The following SMIM36 variants were observed in gnomAD, a reference collection of about 807,000 sequenced individuals.
SMIM36 encodes small integral membrane protein 36.
chr17:55,499,402 A>G (rs982402990), intron 1 of SMIM36, among the ~76,000 whole-genome samples: 2 of 152,146 alleles, frequency 1.3e-5, no homozygotes, highest in African/African-American at 4.8e-5. Context: ...TGCTTCTTAC[A>G]TGGATAAACT....
intron 3 of SMIM36, among the ~76,000 whole-genome samples, chr17:55,471,655 C>G (rs1909343208): frequency 6.6e-6 from 1 of 152,166 alleles, no homozygotes; most frequent in Non-Finnish European, 1.5e-5. Flanking sequence ...AGTCTTTTCC[C>G]AATTCTTCCT....
intron 3 of SMIM36, among the ~76,000 whole-genome samples, chr17:55,470,055 C>T (rs1288991730): frequency 6.6e-6 from 1 of 152,192 alleles, no homozygotes; most frequent in African/African-American, 2.4e-5. Context: ...CCAGGACCTC[C>T]TCCCCCAGGA....
At chr17:55,517,879 C>T in the SMIM36 span, among the ~76,000 whole-genome samples, 2 of 152,010 alleles carry the variant, frequency 1.3e-5, no homozygotes, top group Middle Eastern at 3.2e-3. Context: ...AGAAGGTGTA[C>T]ATTAGGAAGA....
chr17:55,481,413 C>A (rs547035480), intron 1 of SMIM36, among the ~76,000 whole-genome samples: 1 of 152,048 alleles, frequency 6.6e-6, no homozygotes, highest in East Asian at 1.9e-4. Flanking sequence ...TTATATATAC[C>A]AAGTAGAGAG....
At chr17:55,520,245 C>T in the SMIM36 span, among the ~76,000 whole-genome samples, 6 of 151,934 alleles carry the variant, frequency 3.9e-5, no homozygotes, top group African/African-American at 1.5e-4. Context: ...CATTTTGAGC[C>T]CACCCAGAAA....
At chr17:55,456,345 T>C (rs1909023888) in intron 4 of SMIM36, among the ~76,000 whole-genome samples, 1 of 152,182 alleles carries the variant, frequency 6.6e-6, no homozygotes, top group African/African-American at 2.4e-5. Flanking sequence ...CAAGTCACCT[T>C]TCCCTGCTGT....
the SMIM36 span, among the ~76,000 whole-genome samples, chr17:55,516,988 A>G: frequency 6.6e-6 from 1 of 152,174 alleles, no homozygotes; most frequent in Admixed American, 6.5e-5. Context: ...TAGAAGAAAG[A>G]CTATATAATC....
At chr17:55,521,797 G>T in the SMIM36 span, among the ~76,000 whole-genome samples, 1 of 151,976 alleles carries the variant, frequency 6.6e-6, no homozygotes, top group Admixed American at 6.6e-5. Flanking sequence ...AAATCCTGGG[G>T]GCTCTACATT....
intron 3 of SMIM36, among the ~76,000 whole-genome samples, chr17:55,471,336 C>T (rs992057499): frequency 7.9e-5 from 12 of 152,144 alleles, no homozygotes; most frequent in African/African-American, 2.9e-4. Context: ...TACCAATCTT[C>T]CCAGCAGGAC....
chr17:55,479,201 A>C (rs1909477500), intron 2 of SMIM36, among the ~76,000 whole-genome samples: 1 of 152,212 alleles, frequency 6.6e-6, no homozygotes, highest in South Asian at 2.1e-4. Context: ...CAATGACCTC[A>C]AAGTATAGGA....
At chr17:55,518,256 C>T in the SMIM36 span, among the ~76,000 whole-genome samples, 4 of 152,182 alleles carry the variant, frequency 2.6e-5, no homozygotes, top group East Asian at 7.7e-4. Context: ...CATCAAGAAT[C>T]TACTCTCTTG....
At chr17:55,487,555 C>T (rs1457614458) in intron 1 of SMIM36, among the ~76,000 whole-genome samples, 1 of 152,038 alleles carries the variant, frequency 6.6e-6, no homozygotes, top group African/African-American at 2.4e-5. Context: ...ATGTAAGAAA[C>T]AGAATACTCA....
upstream of SMIM36, among the ~76,000 whole-genome samples, chr17:55,513,532 G>A (rs559784649): frequency 4.0e-4 from 61 of 152,322 alleles, 1 homozygote; most frequent in South Asian, 0.013. Flanking sequence ...TAAGTCACGT[G>A]CAATGCACCA....
chr17:55,486,040 C>CT (rs11356976), intron 1 of SMIM36, among the ~76,000 whole-genome samples: 11,290 of 135,600 alleles, frequency 0.083, 504 homozygotes, highest in South Asian at 0.15. Flanking sequence ...TTCCTTTATT[C>CT]TTTTTTTTTT....
intron 1 of SMIM36, among the ~76,000 whole-genome samples, chr17:55,499,451 C>G (rs920372443): frequency 6.6e-6 from 1 of 152,172 alleles, no homozygotes; most frequent in African/African-American, 2.4e-5. Flanking sequence ...CTATGAGCCT[C>G]TACTTCTTAA....
At chr17:55,470,389 G>T (rs544640348) in intron 3 of SMIM36, among the ~76,000 whole-genome samples, 13 of 152,240 alleles carry the variant, frequency 8.5e-5, no homozygotes, top group Non-Finnish European at 1.5e-4. Flanking sequence ...CAGTGGGAGG[G>T]TAAGTCTGTC....
In SMIM36 at chr17:55,510,728, A is replaced by C. The variant is rs910567741; in HGVS notation, c.*174+151T>G. On this transcript the variant is annotated intron_variant, in intron 1 of 4. Transcript: ENST00000636752. ...GCACGTGCACACACACACACACACA[A>C]TATTGCATCCTTTCTCAAAAGTCAT... is the stretch of plus-strand genomic sequence containing the variant. 9.5e-5 allele frequency among the ~76,000 whole-genome samples: 14 copies of C among 147,120 alleles called. 3 individuals carry two copies. Among genetic ancestry groups the C allele is most frequent in the Admixed American group, 9.4e-4 (14 of 14,918 alleles).
chr17:55,528,979 A>G, the SMIM36 span, among the ~76,000 whole-genome samples: 2 of 152,252 alleles, frequency 1.3e-5, no homozygotes, highest in African/African-American at 2.4e-5. Flanking sequence ...AAATCTGGGT[A>G]GAATTGAAGC....
intron 1 of SMIM36, among the ~76,000 whole-genome samples, chr17:55,492,375 TG>T (rs1245282799): frequency 1.3e-5 from 2 of 150,698 alleles, no homozygotes; most frequent in African/African-American, 4.9e-5. Context: ...CCTGAGTAGC[TG>T]GGACTACAGG....
Sources: gnomAD v4.1 joint callset for allele counts (sites outside exome capture counted in the v4.1 genomes callset) on GRCh38, gnomAD v4.1.1 for gene constraint, MANE v1.5 for transcripts, NCBI Gene and HGNC (gene_info 2026-07-23, HGNC 2026-07-21) for gene names.